The following DIXDC1 variants were observed in gnomAD, a reference collection of about 807,000 sequenced individuals.
DIXDC1 encodes the protein dixin.
In DIXDC1, 64 loss-of-function variants were observed where a neutral mutation model predicts 103.1. That is an observed-to-expected ratio of 0.62 (90% confidence interval 0.51 to 0.76). The LOEUF is 0.76. DIXDC1 is among the 30% of genes least tolerant of loss of function. The pLI is 0.00. For synonymous variants in DIXDC1, 266 were observed against 298.5 expected, an observed-to-expected ratio of 0.89 and a Z score of 1.12; for missense variants, 759 against 834.2, an observed-to-expected ratio of 0.91 and a Z score of 1.11.
chr11:111,965,332 A>C (rs1859693754), intron 2 of DIXDC1, among the ~76,000 whole-genome samples: 1 of 152,118 alleles, frequency 6.6e-6, no homozygotes, highest in Admixed American at 6.6e-5. Flanking sequence ...TTGATTACCT[A>C]TCCTGTGTGA....
chr11:111,930,970 C>T (rs1019314388), intron 2 of DIXDC1, among the ~76,000 whole-genome samples: 4 of 150,988 alleles, frequency 2.6e-5, no homozygotes, highest in Admixed American at 6.6e-5. Flanking sequence ...TCTCCTGCCT[C>T]AGCCTCCCGA....
chr11:111,966,553 G>A (rs931609190), intron 2 of DIXDC1, among the ~76,000 whole-genome samples: 41 of 151,856 alleles, frequency 2.7e-4, no homozygotes, highest in African/African-American at 9.2e-4. Context: ...ACAGGCGCCC[G>A]CCACCGCGCC....
intron 12 of DIXDC1, 148 bp downstream of exon 12, chr11:111,993,152 G>A: frequency 2.3e-6 from 2 of 851,884 alleles, no homozygotes; most frequent in Non-Finnish European, 3.6e-6. Context: ...ATTTTTCTGT[G>A]TCCCCTGATG....
chr11:111,933,691 C>CAAAAA (rs34415537), upstream of DIXDC1, among the ~76,000 whole-genome samples: 11 of 111,682 alleles, frequency 9.8e-5, no homozygotes, highest in African/African-American at 2.8e-4. Context: ...CTCTCTCTCT[C>CAAAAA]AAAAAAAAAA....
intron 17 of DIXDC1, among the ~76,000 whole-genome samples, chr11:112,007,435 C>T (rs1314034985): frequency 1.3e-5 from 2 of 152,122 alleles, no homozygotes; most frequent in African/African-American, 4.8e-5. Context: ...GGCCAACATC[C>T]AAATCTAGGA....
At chr11:111,943,302 C>T (rs1966477699) in intron 1 of DIXDC1, among the ~76,000 whole-genome samples, 1 of 151,968 alleles carries the variant, frequency 6.6e-6, no homozygotes, top group South Asian at 2.1e-4. Context: ...TGCTACCACA[C>T]CCGGCTAATT....
chr11:111,964,727 G>T, intron 2 of DIXDC1, 49 bp downstream of exon 2: 1 of 1,523,288 alleles, frequency 6.6e-7, no homozygotes, highest in Non-Finnish European at 8.8e-7. Flanking sequence ...TCAGAATCTG[G>T]CCTTCTTTAT....
chr11:112,013,218 G>A (rs781800224), intron 17 of DIXDC1, among the ~76,000 whole-genome samples: 109 of 147,220 alleles, frequency 7.4e-4, no homozygotes, highest in Middle Eastern at 3.5e-3. Flanking sequence ...GGCTCCACCC[G>A]TATGACCTCA....
intron 3 of DIXDC1, among the ~76,000 whole-genome samples, chr11:111,973,406 TATTTC>T (rs1205643506): frequency 6.6e-6 from 1 of 151,996 alleles, no homozygotes; most frequent in Non-Finnish European, 1.5e-5. Context: ...ATTTTAATAA[TATTTC>T]ATTTAACTCA....
At chr11:111,984,989 C>A (rs2137559193) in intron 7 of DIXDC1, among the ~76,000 whole-genome samples, 1 of 152,256 alleles carries the variant, frequency 6.6e-6, no homozygotes, top group Middle Eastern at 3.4e-3. Context: ...CTTCTGGGGC[C>A]AAGGCACCTT....
intron 5 of DIXDC1, among the ~76,000 whole-genome samples, chr11:111,979,049 C>T (rs1225400512): frequency 6.6e-6 from 1 of 152,228 alleles, no homozygotes; most frequent in Non-Finnish European, 1.5e-5. Context: ...ACTCCCTACC[C>T]CTCCTGCCTG....
chr11:111,986,224 C>T (rs587614918), intron 8 of DIXDC1, among the ~76,000 whole-genome samples: 1 of 152,236 alleles, frequency 6.6e-6, no homozygotes, highest in African/African-American at 2.4e-5. Context: ...CTTCTGCATA[C>T]AACTTTTCAT....
chr11:111,935,641 A>G (rs1966165415), upstream of DIXDC1, among the ~76,000 whole-genome samples: 1 of 152,188 alleles, frequency 6.6e-6, no homozygotes, highest in African/African-American at 2.4e-5. Flanking sequence ...TCTCTTTATA[A>G]AGGAACTTGT....
At chr11:111,951,425 A>G (rs587772061) in intron 1 of DIXDC1, among the ~76,000 whole-genome samples, 2 of 152,314 alleles carry the variant, frequency 1.3e-5, no homozygotes, top group South Asian at 4.1e-4. Flanking sequence ...ACCTATAAAA[A>G]TCAAAAATTA....
At chr11:111,964,408 T>G in intron 1 of DIXDC1, 141 bp from the exon 2 acceptor site, 3 of 878,022 alleles carry the variant, frequency 3.4e-6, no homozygotes, top group South Asian at 3.5e-5. Flanking sequence ...ATCTTTCTTC[T>G]CTCTTTCCTC....
At chr11:111,938,969 A>T (rs1392373250) in intron 1 of DIXDC1, among the ~76,000 whole-genome samples, 1 of 152,260 alleles carries the variant, frequency 6.6e-6, no homozygotes, top group Non-Finnish European at 1.5e-5. Context: ...GTTGAAACAC[A>T]GAAGAGCCGG....
chr11:111,966,783 A>G (rs912187354), intron 2 of DIXDC1, among the ~76,000 whole-genome samples: 4 of 152,232 alleles, frequency 2.6e-5, no homozygotes, highest in Non-Finnish European at 4.4e-5. Context: ...GCCTATATTC[A>G]CTGGATCCAC....
intron 5 of DIXDC1, chr11:111,975,306 G>A: frequency 8.7e-7 from 1 of 1,153,946 alleles, no homozygotes; most frequent in Non-Finnish European, 1.1e-6. Flanking sequence ...AGGTGCCAGT[G>A]TTTATGATAG....
intron 17 of DIXDC1, among the ~76,000 whole-genome samples, chr11:112,014,786 AAGTG>A (rs1207434663): frequency 3.3e-5 from 5 of 152,222 alleles, no homozygotes; most frequent in Admixed American, 3.3e-4. Context: ...TTAATGTTAA[AAGTG>A]AGTATTTTAT....
Sources: allele counts gnomAD v4.1 joint callset (sites outside exome capture counted in the v4.1 genomes callset), GRCh38; gene constraint gnomAD v4.1.1; transcripts MANE v1.5; gene names NCBI Gene and HGNC (gene_info 2026-07-23, HGNC 2026-07-21).